PCLO: variants seen among roughly 807,000 people sequenced by gnomAD.
The protein encoded by PCLO is piccolo presynaptic cytomatrix protein.
PCLO carries 82 observed loss-of-function variants against 427.5 expected under a neutral mutation model. That is an observed-to-expected ratio of 0.19 (90% CI 0.16 to 0.23). The LOEUF is 0.23. PCLO is among the 10% of genes least tolerant of loss of function. The probability of loss-of-function intolerance (pLI) is 1.00; values close to 1 mark genes in which losing one functional copy is unlikely to be tolerated. For missense variants in PCLO, 6,239 were observed against 6,115.9 expected, an observed-to-expected ratio of 1.02 and a Z score of -0.67; for synonymous variants, 2,357 against 2,155.4, an observed-to-expected ratio of 1.09 and a Z score of -2.59.
At chr7:83,097,006 T>TAATATATATTATATATTATATA (rs1322174222) in intron 3 of PCLO, among the ~76,000 whole-genome samples, 2 of 25,428 alleles carry the variant, frequency 7.9e-5, no homozygotes, top group South Asian at 8.2e-4. Flanking sequence ...ATTATATAAA[T>TAATATATATTATATATTATATA]AATATATATT....
At chr7:82,800,634 C>T (rs1046792404) in intron 22 of PCLO, among the ~76,000 whole-genome samples, 40 of 152,026 alleles carry the variant, frequency 2.6e-4, no homozygotes, top group African/African-American at 9.4e-4. Context: ...CTCCCTCTGT[C>T]GCCCAGGCTG....
At chr7:82,792,798 T>C (rs1791133493) in intron 22 of PCLO, among the ~76,000 whole-genome samples, 2 of 152,142 alleles carry the variant, frequency 1.3e-5, no homozygotes, top group African/African-American at 4.8e-5. Context: ...TTAAAATAAT[T>C]TTGTATTGCC....
intron 3 of PCLO, among the ~76,000 whole-genome samples, chr7:83,006,574 TA>T (rs999190924): frequency 1.5e-4 from 22 of 150,980 alleles, no homozygotes; most frequent in African/African-American, 2.9e-4. Flanking sequence ...GGAAATACAG[TA>T]AAAAAAAATT....
Position 82,954,578 on chromosome 7 carries a change from G to A in PCLO, c.6375C>T (p.Leu2125=). Residue 2125 remains leucine, a synonymous_variant, in exon 5 of 25, where the codon CTC becomes CTT. Transcript: ENST00000333891. ...SLTDSTSSAT[L]SIPDVKITQH... ...GGGTTATTTTAACATCTGGGATAGA[G>A]AGTGTTGCACTGCTGGTCGAATCTG... The A allele has an allele frequency of 2.5e-6, 4 of 1,613,940 alleles. No homozygotes were observed. The South Asian group carries it at 4.4e-5, about 18-fold the overall frequency.
chr7:82,991,313 T>C (rs1796371723), intron 3 of PCLO, among the ~76,000 whole-genome samples: 1 of 152,088 alleles, frequency 6.6e-6, no homozygotes, highest in Non-Finnish European at 1.5e-5. Context: ...TAGTATCTTG[T>C]TGCGCCACTG....
intron 2 of PCLO, among the ~76,000 whole-genome samples, chr7:83,145,530 T>C (rs1416368405): frequency 6.6e-6 from 1 of 152,168 alleles, no homozygotes; most frequent in Non-Finnish European, 1.5e-5. Flanking sequence ...TCAGCGAATC[T>C]CACTTCTTGT....
chr7:82,800,011 G>A (rs1211516814), intron 22 of PCLO, among the ~76,000 whole-genome samples: 1 of 152,064 alleles, frequency 6.6e-6, no homozygotes, highest in African/African-American at 2.4e-5. Context: ...CAGGAGTTTG[G>A]GCAGCAGGTT....
chr7:83,008,002 T>G (rs1237268613), intron 3 of PCLO, among the ~76,000 whole-genome samples: 2 of 151,654 alleles, frequency 1.3e-5, no homozygotes, highest in African/African-American at 4.8e-5. Context: ...AATTATTACT[T>G]AAAGATTGGT....
intron 1 of PCLO, among the ~76,000 whole-genome samples, chr7:83,157,565 T>A (rs955516324): frequency 6.6e-6 from 1 of 151,788 alleles, no homozygotes; most frequent in African/African-American, 2.4e-5. Context: ...TTTAAATGAC[T>A]ATGGTTAAAT....
In PCLO at chr7:82,956,601, T is replaced by C; in HGVS notation, c.4352A>G (p.Lys1451Arg). 1 of 1,613,620 alleles carries C rather than the reference T, an allele frequency of 6.2e-7. No individual in the cohort carries two copies. Among genetic ancestry groups the C allele is most frequent in the Non-Finnish European group, 8.5e-7 (1 of 1,179,798 alleles). The stretch of plus-strand genomic sequence containing the variant: ...CAAGGTTTCAGATAAACTCTGAGTT[T>C]TCTCTTGGTCTTTAGGCTGTTCAGG... ...VSPEQPKDQE[K>R]TQSLSETLEI... The change falls in exon 5 of 25, where the codon AAA becomes AGA. Residue 1451 changes from lysine to arginine, a missense_variant. Transcript: ENST00000333891.
chr7:82,978,519 C>G (rs1475081407), intron 3 of PCLO, among the ~76,000 whole-genome samples: 1 of 151,868 alleles, frequency 6.6e-6, no homozygotes, highest in East Asian at 1.9e-4. Context: ...TCCTATTGTT[C>G]TAAGTGCTAT....
At chr7:83,021,549 C>A (rs547246754) in intron 3 of PCLO, among the ~76,000 whole-genome samples, 46 of 152,204 alleles carry the variant, frequency 3.0e-4, no homozygotes, top group African/African-American at 1.0e-3. Flanking sequence ...TGTTGTAACA[C>A]AATGTAAATC....
intron 22 of PCLO, among the ~76,000 whole-genome samples, chr7:82,800,252 C>T (rs186498598): frequency 1.3e-5 from 2 of 152,286 alleles, no homozygotes; most frequent in African/African-American, 4.8e-5. Flanking sequence ...CAGCATTTGT[C>T]AGATGAGGTT....
At chr7:83,084,931 G>C (rs1790193242) in intron 3 of PCLO, among the ~76,000 whole-genome samples, 1 of 152,062 alleles carries the variant, frequency 6.6e-6, no homozygotes, top group South Asian at 2.1e-4. Flanking sequence ...AATGGGATTT[G>C]AGAGACCAAA....
Position 83,155,672 on chromosome 7 carries a change from T to C in PCLO, c.969A>G (p.Lys323=), listed in dbSNP as rs1792272714. 4 of 1,613,146 alleles carry C rather than the reference T, an allele frequency of 2.5e-6. No homozygotes were observed. In the African/African-American group the frequency reaches 4.0e-5, roughly 16 times the overall value. Residue 323 remains lysine (K), a synonymous_variant, in exon 2 of 25, where the codon AAA becomes AAG. Transcript: ENST00000333891. ...KPPAQQPGHE[K]SQPGPAKPPA... ...GGGGCTTTGCAGGCCCAGGCTGTGA[T>C]TTTTCATGTCCAGGCTGCTGTGCTG...
At position 82,970,745 on chromosome 7, in the gene PCLO, A is replaced by G. The variant is rs576148042; in HGVS notation, c.3301-4258T>C. Among the ~76,000 whole-genome samples the G allele has an allele frequency of 4.6e-5, 7 of 152,062 alleles. No individual in the cohort carries two copies. The South Asian group carries it at 1.2e-3, about 27-fold the overall frequency. ...CAAATTTTGTTTATTAAGGGGGAGC[A>G]TAGGAGTATCATTGGAGGAAAATAC... On this transcript the variant is annotated intron_variant, in intron 3 of 24. Coordinates refer to ENST00000333891, the MANE Select transcript of PCLO (RefSeq NM_033026.6).
At chr7:83,002,479 C>A (rs1241654079) in intron 3 of PCLO, among the ~76,000 whole-genome samples, 1 of 151,806 alleles carries the variant, frequency 6.6e-6, no homozygotes, top group Non-Finnish European at 1.5e-5. Context: ...GTTGACAATG[C>A]AATTTTTACA....
chr7:83,075,865 T>A (rs1003305108), intron 3 of PCLO, among the ~76,000 whole-genome samples: 1 of 152,172 alleles, frequency 6.6e-6, no homozygotes, highest in South Asian at 2.1e-4. Context: ...CTTTGATATA[T>A]CTTTTATAGT....
chr7:83,003,132 C>T (rs1417903443), intron 3 of PCLO, among the ~76,000 whole-genome samples: 5 of 150,880 alleles, frequency 3.3e-5, no homozygotes, highest in South Asian at 4.2e-4. Context: ...TATTTTATCT[C>T]CCATTAACAT....
Sources: gnomAD v4.1 joint callset for allele counts (sites outside exome capture counted in the v4.1 genomes callset) on GRCh38, gnomAD v4.1.1 for gene constraint, MANE v1.5 for transcripts, NCBI Gene and HGNC (gene_info 2026-07-23, HGNC 2026-07-21) for gene names.